The following MAML3 variants were observed in gnomAD, a reference collection of about 807,000 sequenced individuals.
MAML3 encodes mastermind like transcriptional coactivator 3, also known as mastermind-like protein 3.
In MAML3, 27 loss-of-function variants were observed where a neutral mutation model predicts 101.9. That is an observed-to-expected ratio of 0.27 (90% CI 0.20 to 0.37). MAML3 has a LOEUF of 0.37. MAML3 is among the 10% of genes least tolerant of loss of function. The pLI is 1.00. For missense variants in MAML3, 1,316 were observed against 1,444.9 expected (o/e 0.91, Z 1.45); for synonymous variants, 501 against 555.9 (o/e 0.90, Z 1.39).
At chr4:139,927,402 C>A (rs1733287434) in intron 1 of MAML3, among the ~76,000 whole-genome samples, 1 of 152,172 alleles carries the variant, frequency 6.6e-6, no homozygotes, top group African/African-American at 2.4e-5. Flanking sequence ...TGTAAAGTTA[C>A]TTAATTTTTC....
chr4:140,005,176 G>A (rs986462587), intron 1 of MAML3, among the ~76,000 whole-genome samples: 3 of 152,178 alleles, frequency 2.0e-5, no homozygotes, highest in African/African-American at 7.2e-5. Context: ...AATGCAGAGG[G>A]CTAGGATTTT....
chr4:140,004,441 T>G (rs995097545), intron 1 of MAML3, among the ~76,000 whole-genome samples: 3 of 152,168 alleles, frequency 2.0e-5, no homozygotes, highest in African/African-American at 7.2e-5. Flanking sequence ...CCTCACTTCT[T>G]TGAAGCTCAT....
At chr4:139,897,628 T>C (rs954190635) in intron 1 of MAML3, among the ~76,000 whole-genome samples, 3 of 152,172 alleles carry the variant, frequency 2.0e-5, no homozygotes, top group Admixed American at 2.0e-4. Flanking sequence ...CTCTCATGAA[T>C]TTCTGTAGCA....
At chr4:140,152,213 C>G (rs771373557) in intron 1 of MAML3, among the ~76,000 whole-genome samples, 2 of 152,198 alleles carry the variant, frequency 1.3e-5, no homozygotes, top group Admixed American at 6.5e-5. Context: ...GCGAGCACCC[C>G]CGCGCGCAGC....
At chr4:139,915,059 C>T (rs1195573696) in intron 1 of MAML3, among the ~76,000 whole-genome samples, 2 of 152,110 alleles carry the variant, frequency 1.3e-5, no homozygotes, top group Non-Finnish European at 1.5e-5. Flanking sequence ...TTAAGTCAAC[C>T]GGGAGGCTTA....
intron 1 of MAML3, among the ~76,000 whole-genome samples, chr4:140,074,160 G>C (rs189243500): frequency 1.2e-5 from 1 of 85,828 alleles, no homozygotes; most frequent in Non-Finnish European, 2.6e-5. Context: ...GAAAGAGAGA[G>C]AGAAAGGAAA....
In MAML3 at chr4:139,771,546, A is replaced by C. The variant is rs755456280; in HGVS notation, c.2080-40879T>G. 9.0e-4 allele frequency among the ~76,000 whole-genome samples: 137 copies of C among 152,194 alleles called. 1 individual carries two copies. The highest frequency in any genetic ancestry group is 7.9e-4 in the Admixed American group (12 of 15,274). ...ATTCAAACTTCAATCATTATTTTTT[A>C]TGTAAGTATCTGGGACTACAGGATG... On this transcript the variant is annotated intron_variant, in intron 2 of 4. Coordinates refer to ENST00000509479, the MANE Select transcript of MAML3 (RefSeq NM_018717.5).
intron 1 of MAML3, among the ~76,000 whole-genome samples, chr4:140,006,238 G>A (rs1330896666): frequency 1.3e-5 from 2 of 152,092 alleles, no homozygotes; most frequent in Non-Finnish European, 2.9e-5. Context: ...GTGGAAGGGG[G>A]AGGGGTCCAT....
At chr4:140,086,801 AAGAG>A (rs1326505542) in intron 1 of MAML3, among the ~76,000 whole-genome samples, 1 of 152,222 alleles carries the variant, frequency 6.6e-6, no homozygotes, top group East Asian at 1.9e-4. Context: ...AGAGAAAAAA[AAGAG>A]AGATTTTAAA....
chr4:140,021,098 G>C (rs1726725878), intron 1 of MAML3, among the ~76,000 whole-genome samples: 1 of 152,170 alleles, frequency 6.6e-6, no homozygotes, highest in African/African-American at 2.4e-5. Context: ...GTGGAGAAAA[G>C]AAGACTGCTT....
At chr4:140,023,346 C>T (rs1726767439) in intron 1 of MAML3, among the ~76,000 whole-genome samples, 1 of 152,166 alleles carries the variant, frequency 6.6e-6, no homozygotes, top group Admixed American at 6.5e-5. Context: ...GCTTCCATGG[C>T]CATCATCAAT....
intron 2 of MAML3, among the ~76,000 whole-genome samples, chr4:139,751,747 A>ATACACTCAGCCTGGAGG (rs1729509591): frequency 6.6e-6 from 1 of 152,212 alleles, no homozygotes; most frequent in African/African-American, 2.4e-5. Flanking sequence ...GGAGGAGGAA[A>ATACACTCAGCCTGGAGG]GAGGACACTG....
chr4:139,949,717 T>G (rs1462410283), intron 1 of MAML3, among the ~76,000 whole-genome samples: 1 of 152,350 alleles, frequency 6.6e-6, no homozygotes, highest in South Asian at 2.1e-4. Flanking sequence ...CTGCTTGACA[T>G]TTTCATGCCT....
intron 2 of MAML3, among the ~76,000 whole-genome samples, chr4:139,815,891 G>A (rs1263932884): frequency 6.6e-6 from 1 of 152,042 alleles, no homozygotes; most frequent in Non-Finnish European, 1.5e-5. Flanking sequence ...CAATACGGAC[G>A]ACGATGAGCA....
intron 2 of MAML3, among the ~76,000 whole-genome samples, chr4:139,777,425 G>A (rs778328274): frequency 8.5e-5 from 13 of 152,212 alleles, no homozygotes; most frequent in Non-Finnish European, 1.3e-4. Context: ...AGTCTCCACT[G>A]CCACTTCCCC....
At chr4:140,106,726 G>T (rs1359951247) in intron 1 of MAML3, among the ~76,000 whole-genome samples, 1 of 152,116 alleles carries the variant, frequency 6.6e-6, no homozygotes, top group African/African-American at 2.4e-5. Context: ...CAGACTATTT[G>T]TAAAGCACTG....
intron 1 of MAML3, chr4:140,134,395 G>A (rs1442285590): frequency 2.2e-6 from 1 of 456,680 alleles, no homozygotes; most frequent in African/African-American, 2.0e-5. Flanking sequence ...ATCACCTCCA[G>A]GGCACAGGCA....
intron 1 of MAML3, among the ~76,000 whole-genome samples, chr4:140,104,809 T>C (rs1728324506): frequency 6.6e-6 from 1 of 152,004 alleles, no homozygotes; most frequent in African/African-American, 2.4e-5. Flanking sequence ...ATACATTTTT[T>C]AAGTACCTTA....
intron 1 of MAML3, among the ~76,000 whole-genome samples, chr4:139,934,726 A>G (rs1733472402): frequency 6.6e-6 from 1 of 152,196 alleles, no homozygotes; most frequent in African/African-American, 2.4e-5. Flanking sequence ...GGAAAAAACC[A>G]AACTCAACCA....
Sources: gnomAD v4.1 joint callset for allele counts (sites outside exome capture counted in the v4.1 genomes callset) on GRCh38, gnomAD v4.1.1 for gene constraint, MANE v1.5 for transcripts, NCBI Gene and HGNC (gene_info 2026-07-23, HGNC 2026-07-21) for gene names.